ATP13A5: variants seen among roughly 807,000 people sequenced by gnomAD.
ATP13A5 encodes the protein probable cation-transporting ATPase 13A5.
Under a neutral mutation model 150.2 loss-of-function variants are expected in ATP13A5, and 149 were observed. The ratio of observed to expected loss-of-function variants is 0.99; its 90% CI spans 0.87 to 1.14. The LOEUF (loss-of-function observed/expected upper bound fraction) is 1.14. Ranked by LOEUF, ATP13A5 falls within the 50% of genes most tolerant of loss-of-function variation. The pLI, the probability that ATP13A5 is intolerant of heterozygous loss-of-function variation, is 0.00. For synonymous variants in ATP13A5, 497 were observed against 522.2 expected, an observed-to-expected ratio of 0.95 and a Z score of 0.66; for missense variants, 1,383 against 1,449.3, an observed-to-expected ratio of 0.95 and a Z score of 0.74.
rs748804802 is a variant in ATP13A5 at position 193,331,213 on chromosome 3, A to T, written c.1371T>A (p.Ala457=). The stretch of plus-strand genomic sequence containing the variant: ...TTTTCTTTTTCTTCAGTCTCTTCTG[A>T]GCATACACGTTGCCTATGGTCAGGG... ...PAALTIGNVY[A]QKRLKKKKIF... is the part of the protein sequence containing the mutation. The change falls in exon 12 of 30, where the codon GCT becomes GCA. Residue 457 remains alanine, a synonymous_variant. Transcript: ENST00000342358. 6 of 1,614,070 alleles carry T rather than the reference A, an allele frequency of 3.7e-6. No individual in the cohort carries two copies. Among genetic ancestry groups the T allele is most frequent in the Non-Finnish European group, 5.1e-6 (6 of 1,179,972 alleles).
intron 23 of ATP13A5, among the ~76,000 whole-genome samples, chr3:193,302,455 G>A (rs1718435806): frequency 6.6e-6 from 1 of 152,020 alleles, no homozygotes; most frequent in Non-Finnish European, 1.5e-5. Flanking sequence ...TTCTGCAATC[G>A]TGCATAGTTC....
At chr3:193,304,155 TA>T (rs1656547458) in intron 23 of ATP13A5, among the ~76,000 whole-genome samples, 1 of 152,122 alleles carries the variant, frequency 6.6e-6, no homozygotes, top group African/African-American at 2.4e-5. Context: ...CAGTAAAACA[TA>T]ATGCTTGTTT....
chr3:193,314,386 C>T, intron 18 of ATP13A5, 193 bp from the exon 19 acceptor site: 3 of 574,718 alleles, frequency 5.2e-6, no homozygotes, highest in Non-Finnish European at 9.2e-6. Context: ...TCTCCATATT[C>T]TGCATCATAT....
intron 9 of ATP13A5, among the ~76,000 whole-genome samples, chr3:193,339,304 G>C (rs555866835): frequency 5.9e-5 from 9 of 151,904 alleles, no homozygotes; most frequent in Non-Finnish European, 1.3e-4. Flanking sequence ...TCTTGCTTCT[G>C]TAGTTCTTTT....
chr3:193,287,134 G>A (rs1407644860), intron 26 of ATP13A5, among the ~76,000 whole-genome samples: 1 of 152,056 alleles, frequency 6.6e-6, no homozygotes, highest in Non-Finnish European at 1.5e-5. Context: ...GCAAGAGGTT[G>A]GTTCCTAAGA....
Position 193,324,910 on chromosome 3 carries a change from A to G in ATP13A5, c.1628T>C (p.Ile543Thr), listed in dbSNP as rs1276778938. 1 of 1,614,086 alleles carries G rather than the reference A, an allele frequency of 6.2e-7. No homozygotes were observed. Among genetic ancestry groups the G allele is most frequent in the Non-Finnish European group, 8.5e-7 (1 of 1,179,972 alleles). ...TTTGAGGTCCAGAGGGTCTCCCTGGATGGTCCCATTGAGAAGGATCAGAGA... is the reference window on the plus strand; with the variant it reads ...TTTGAGGTCCAGAGGGTCTCCCTGGGTGGTCCCATTGAGAAGGATCAGAGA... ...CHSLILLNGT[I>T]QGDPLDLKMF... Residue 543 changes from isoleucine (I) to threonine (T), a missense_variant, in exon 14 of 30, where the codon ATC becomes ACC. This residue lies in a region of ATP13A5 where 787 missense variants were observed against 771.9 expected (regional missense o/e 1.02). Transcript: ENST00000342358.
intron 28 of ATP13A5, among the ~76,000 whole-genome samples, chr3:193,278,265 TCTCTC>T (rs1429641568): frequency 1.3e-5 from 2 of 152,204 alleles, no homozygotes; most frequent in Non-Finnish European, 2.9e-5. Context: ...TAATTGCTTG[TCTCTC>T]CTCTCACATG....
At chr3:193,297,787 C>T (rs144933416) in intron 25 of ATP13A5, among the ~76,000 whole-genome samples, 26 of 152,168 alleles carry the variant, frequency 1.7e-4, no homozygotes, top group African/African-American at 6.3e-4. Flanking sequence ...AGCCCCATTA[C>T]CACATAACTA....
chr3:193,290,022 A>G lies in ATP13A5; in HGVS notation c.2886T>C (p.Tyr962=), dbSNP rs112228820. ...GAGAAAGGAGCTGTCCTGCTGGTCT[A>G]TATGGAGCCAGCTTTGGGTAGGCAT... The part of the protein sequence containing the change: ...STHAYPKLAP[Y]RPAGQLLSPP... The change falls in exon 26 of 30, where the codon TAT becomes TAC. Residue 962 remains tyrosine, a synonymous_variant. Transcript: ENST00000342358. 30 of 1,611,258 alleles carry G rather than the reference A, an allele frequency of 1.9e-5. No individual in the cohort carries two copies. The highest frequency in any genetic ancestry group is 1.7e-4 in the African/African-American group (13 of 74,878).
At chr3:193,306,458 C>G (rs185824052) in intron 22 of ATP13A5, among the ~76,000 whole-genome samples, 9 of 152,048 alleles carry the variant, frequency 5.9e-5, no homozygotes, top group African/African-American at 1.4e-4. Context: ...TTAGCTTTTT[C>G]TCATGAAACA....
At chr3:193,284,333 G>C (rs1258237986) in intron 27 of ATP13A5, among the ~76,000 whole-genome samples, 1 of 152,018 alleles carries the variant, frequency 6.6e-6, no homozygotes, top group Admixed American at 6.6e-5. Flanking sequence ...CCTTAGCTGG[G>C]AGGACCTTAA....
chr3:193,289,190 G>A (rs1345380969), intron 26 of ATP13A5, among the ~76,000 whole-genome samples: 2 of 151,842 alleles, frequency 1.3e-5, no homozygotes, highest in Admixed American at 1.3e-4. Flanking sequence ...TTCTTTTATC[G>A]GCAGAAAGAC....
intron 6 of ATP13A5, among the ~76,000 whole-genome samples, chr3:193,353,503 C>G (rs538779173): frequency 1.1e-4 from 17 of 152,286 alleles, no homozygotes; most frequent in African/African-American, 4.1e-4. Context: ...ATGCTGTGGA[C>G]TGAACATTTG....
At chr3:193,283,921 A>G (rs1022497054) in intron 27 of ATP13A5, among the ~76,000 whole-genome samples, 6 of 150,898 alleles carry the variant, frequency 4.0e-5, no homozygotes, top group Non-Finnish European at 7.4e-5. Context: ...TGGCATAATT[A>G]TTAATAGTGT....
intron 19 of ATP13A5, 139 bp downstream of exon 19, chr3:193,313,894 C>A: frequency 9.8e-7 from 1 of 1,017,054 alleles, no homozygotes; most frequent in Non-Finnish European, 1.4e-6. Flanking sequence ...GGCAGAAATG[C>A]TTTGCAAACT....
chr3:193,351,329 T>G, intron 6 of ATP13A5, 128 bp from the exon 7 acceptor site: 2 of 1,124,566 alleles, frequency 1.8e-6, no homozygotes, highest in Non-Finnish European at 2.6e-6. Flanking sequence ...ATTTAAGAAT[T>G]CACTTAGATC....
chr3:193,337,294 A>G (rs949725089), intron 9 of ATP13A5, among the ~76,000 whole-genome samples: 12 of 152,148 alleles, frequency 7.9e-5, no homozygotes, highest in African/African-American at 2.7e-4. Flanking sequence ...TTGGTGTTTT[A>G]GACATGAAGT....
intron 13 of ATP13A5, among the ~76,000 whole-genome samples, chr3:193,325,831 A>C (rs1402484567): frequency 1.3e-5 from 2 of 152,154 alleles, no homozygotes; most frequent in Non-Finnish European, 2.9e-5. Context: ...GATTGTGTCT[A>C]GTTGTTTCTA....
intron 12 of ATP13A5, among the ~76,000 whole-genome samples, chr3:193,329,176 G>A (rs1711531982): frequency 6.6e-6 from 1 of 151,948 alleles, no homozygotes; most frequent in Non-Finnish European, 1.5e-5. Flanking sequence ...AGGATGCGGA[G>A]GCTGTAGTGA....
Sources: gnomAD v4.1 joint callset for allele counts (sites outside exome capture counted in the v4.1 genomes callset) on GRCh38, gnomAD v4.1.1 for gene constraint, gnomAD v4.1.1 regional missense constraint, MANE v1.5 for transcripts, NCBI Gene and HGNC (gene_info 2026-07-23, HGNC 2026-07-21) for gene names.